The following ENAM variants were observed in gnomAD, a reference collection of about 807,000 sequenced individuals.
ENAM encodes enamelin, also known as amelogenesis imperfecta 2, hypocalcification (autosomal dominant).
A neutral mutation model predicts 33.6 loss-of-function variants in ENAM; 21 were observed. The ratio of observed to expected loss-of-function variants is 0.63; its 90% CI spans 0.44 to 0.90. The LOEUF (loss-of-function observed/expected upper bound fraction) is 0.90, where lower values mean the gene tolerates loss of function less well. Among genes scored for constraint, ENAM ranks in the 40% least tolerant of loss-of-function variants. The probability of loss-of-function intolerance (pLI) is 0.00; values close to 1 mark genes in which losing one functional copy is unlikely to be tolerated. For missense variants in ENAM, 1,388 were observed against 1,366.9 expected, an observed-to-expected ratio of 1.02 and a Z score of -0.24; for synonymous variants, 473 against 468.4, an observed-to-expected ratio of 1.01 and a Z score of -0.13.
intron 6 of ENAM, among the ~76,000 whole-genome samples, chr4:70,634,920 T>A (rs1024939264): frequency 1.3e-5 from 2 of 152,222 alleles, no homozygotes; most frequent in African/African-American, 4.8e-5. Flanking sequence ...AGTTTCCCCA[T>A]GAGTAAACTA....
rs1738750775 is a variant in ENAM at position 70,645,983 on chromosome 4, GC to G, written c.*1130del. On this transcript the variant is annotated 3_prime_UTR_variant, in exon 9 of 9. Coordinates refer to ENST00000396073, the MANE Select transcript of ENAM (RefSeq NM_031889.3). ...AAAAGACTAGGACTTGCCACACACTGCCAATTCATAATCCGCAGGATCTGTA... is the reference window on the plus strand; with the variant it reads ...AAAAGACTAGGACTTGCCACACACTGCAATTCATAATCCGCAGGATCTGTA... 2 of 151,714 alleles carry G rather than the reference GC, an allele frequency of 1.3e-5. No individual in the cohort carries two copies. Among genetic ancestry groups the G allele is most frequent in the African/African-American group, 4.8e-5 (2 of 41,312 alleles). 9.4% of individuals were successfully genotyped at this position (151,714 alleles called of 1,614,324 possible). A position where few individuals can be genotyped will look rare whatever the true frequency, so the allele number is the denominator to read the frequency against.
Position 70,635,836 on chromosome 4 carries a change from T to C in ENAM, c.476T>C (p.Phe159Ser), listed in dbSNP as rs778836927. ...PEEEAQPPQA[F>S]PPFGNGLFPY... The stretch of plus-strand genomic sequence containing the variant: ...TGATTCTTTCTTTCTCTCTAGGCAT[T>C]CCCACCATTTGGAAATGGGCTATTC... The change falls in exon 7 of 9, where the codon TTC becomes TCC. Residue 159 changes from phenylalanine to serine, a missense_variant. By Grantham distance (155) the Phe-to-Ser change is radical. Coordinates refer to ENST00000396073, the MANE Select transcript of ENAM (RefSeq NM_031889.3). The C allele has an allele frequency of 5.6e-6, 9 of 1,598,332 alleles. No homozygotes were observed. The highest frequency in any genetic ancestry group is 7.7e-6 in the Non-Finnish European group (9 of 1,166,278).
intron 2 of ENAM, 69 bp downstream of exon 2, chr4:70,629,623 T>C: frequency 8.8e-7 from 1 of 1,131,760 alleles, no homozygotes; most frequent in Non-Finnish European, 1.4e-6. Flanking sequence ...GAAATACACT[T>C]GAGAGGGCCA....
rs1407719203 is a variant in ENAM at position 70,629,425 on chromosome 4, C to G, written c.-60-16C>G. The G allele has an allele frequency of 9.9e-7, 1 of 1,008,314 alleles. No homozygotes were observed. Among genetic ancestry groups the G allele is most frequent in the Admixed American group, 1.7e-5 (1 of 58,658 alleles). The allele number at this position is 1,008,314 out of a possible 1,614,324, so 62.5% of individuals were successfully genotyped here. On this transcript the variant is annotated splice_polypyrimidine_tract_variant and intron_variant, in intron 1 of 8. Transcript: ENST00000396073. ...TGCTATTCATTTCATTTATTTGTTC[C>G]ATTTCTATATTTTAGTTTCTTCTCA...
Position 70,631,851 on chromosome 4 carries a change from G to C in ENAM, c.126G>C (p.Met42Ile), listed in dbSNP as rs953884638. 5 of 1,613,930 alleles carry C rather than the reference G, an allele frequency of 3.1e-6. No homozygotes were observed. In the African/African-American group the frequency reaches 6.7e-5, roughly 22 times the overall value. The change falls in exon 4 of 9, where the codon ATG becomes ATC. Residue 42 changes from methionine (M) to isoleucine (I), a missense_variant and splice_region_variant. Transcript: ENST00000396073. ...CACTGACATTCTCTTACTTCCAGAT[G>C]CACATGCCCCGAATGCCTGGATTTA... ...GLLGNSVAMPMHMPRMPGFSS... is the reference protein window; with the variant it reads ...GLLGNSVAMPIHMPRMPGFSS...
rs1393863730 is a variant in ENAM, at chr4:70,644,096, A to G, written c.2670A>G (p.Gln890=). ...CCAAGGACAATCCACTAGCTCTACA[A>G]GACTACACTCCATCCTATGGTCTTG... The part of the protein sequence containing the change: ...TGPKDNPLAL[Q]DYTPSYGLAP... Residue 890 remains glutamine (Q), a synonymous_variant, in exon 9 of 9, where the codon CAA becomes CAG. Coordinates refer to ENST00000396073, the MANE Select transcript of ENAM (RefSeq NM_031889.3). 1 of 1,614,090 alleles carries G rather than the reference A, an allele frequency of 6.2e-7. No homozygotes were observed. The highest frequency in any genetic ancestry group is 8.5e-7 in the Non-Finnish European group (1 of 1,179,990).
At chr4:70,636,708 G>T (rs1274004590) in intron 7 of ENAM, among the ~76,000 whole-genome samples, 3 of 151,928 alleles carry the variant, frequency 2.0e-5, no homozygotes, top group African/African-American at 7.3e-5. Flanking sequence ...AGCAGAGGTT[G>T]CAGTGAGCCG....
rs1484010943 is a variant in ENAM at position 70,642,662 on chromosome 4, T to C, written c.1236T>C (p.Pro412=). Residue 412 remains proline (P), a synonymous_variant, in exon 9 of 9, where the codon CCT becomes CCC. Coordinates refer to ENST00000396073, the MANE Select transcript of ENAM (RefSeq NM_031889.3). ...RRKPQGPNKH[P]VGTTVAPLGP... is the part of the protein sequence containing the mutation. ...AGCCTCAGGGGCCAAATAAACACCC[T>C]GTAGGAACTACTGTTGCCCCACTGG... 2 of 1,613,040 alleles carry C rather than the reference T, an allele frequency of 1.2e-6. No individual in the cohort carries two copies. The highest frequency in any genetic ancestry group is 1.7e-6 in the Non-Finnish European group (2 of 1,179,684).
At chr4:70,640,023 A>G (rs1738558790) in intron 8 of ENAM, among the ~76,000 whole-genome samples, 1 of 152,220 alleles carries the variant, frequency 6.6e-6, no homozygotes, top group Non-Finnish European at 1.5e-5. Flanking sequence ...TTTATATTGC[A>G]TTTGTTTTAA....
Position 70,634,502 on chromosome 4 carries a change from A to G in ENAM, c.405A>G (p.Gln135=). 1 of 1,614,124 alleles carries G rather than the reference A, an allele frequency of 6.2e-7. No homozygotes were observed. Among genetic ancestry groups the G allele is most frequent in the Non-Finnish European group, 8.5e-7 (1 of 1,179,982 alleles). ...PNQTQSKKPP[Q]KRPLKQPSHN... The stretch of plus-strand genomic sequence containing the variant: ...AGACTCAGTCAAAAAAGCCACCACA[A>G]AAGCGGCCTTTGAAGCAGCCATCAC... Residue 135 remains glutamine (Q), a synonymous_variant, in exon 6 of 9, where the codon CAA becomes CAG. Transcript: ENST00000396073.
rs1245612664 is a variant in ENAM, at chr4:70,643,463, A to G, written c.2037A>G (p.Gly679=). 4 of 1,614,196 alleles carry G rather than the reference A, an allele frequency of 2.5e-6. No homozygotes were observed. The Admixed American group carries it at 6.7e-5, about 27-fold the overall frequency. The change falls in exon 9 of 9, where the codon GGA becomes GGG. Residue 679 remains glycine, a synonymous_variant. Coordinates refer to ENST00000396073, the MANE Select transcript of ENAM (RefSeq NM_031889.3). The part of the protein sequence containing the change: ...NRWGEELSFK[G]GPTVRHYEGE... ...GGGGTGAAGAGTTGAGCTTCAAAGG[A>G]GGCCCAACAGTTAGGCACTATGAAG...
At chr4:70,640,440 G>A (rs944411497) in intron 8 of ENAM, among the ~76,000 whole-genome samples, 3 of 152,138 alleles carry the variant, frequency 2.0e-5, no homozygotes, top group Non-Finnish European at 4.4e-5. Context: ...CGTGTGCAAA[G>A]GCACTGAAAC....
At position 70,644,125 on chromosome 4, in the gene ENAM, CT is replaced by C. The variant is rs749517567; in HGVS notation, c.2700del (p.Glu902ArgfsTer51). The C allele has an allele frequency of 6.2e-7, 1 of 1,614,126 alleles. No homozygotes were observed. The highest frequency in any genetic ancestry group is 1.7e-5 in the Admixed American group (1 of 60,012). On this transcript the variant is annotated frameshift_variant, in exon 9 of 9. Coordinates refer to ENST00000396073, the MANE Select transcript of ENAM (RefSeq NM_031889.3). LOFTEE classifies it low-confidence loss of function (END_TRUNC). ...TACACTCCATCCTATGGTCTTGCAC[CT>C]GGGGAGAACCAAGACACCAGTCCTC... ...QDYTPSYGLA[P>X]GENQDTSPLY... is the part of the protein sequence containing the mutation.
At chr4:70,641,349 TTTTCTTTC>T (rs1451588654) in intron 8 of ENAM, among the ~76,000 whole-genome samples, 1 of 151,808 alleles carries the variant, frequency 6.6e-6, no homozygotes, top group Admixed American at 6.6e-5. Flanking sequence ...TAGAATTCTT[TTTTCTTTC>T]TTTCTTTCTT....
At position 70,644,532 on chromosome 4, in the gene ENAM, C is replaced by A. The variant is rs774117576; in HGVS notation, c.3106C>A (p.Gln1036Lys). ...CTCCAATCCAGAAGGCATCCAAAGTCAAGTCCAAGAAAATGAGAGTGAGAG... is the reference window on the plus strand; with the variant it reads ...CTCCAATCCAGAAGGCATCCAAAGTAAAGTCCAAGAAAATGAGAGTGAGAG... ...EGSNPEGIQS[Q>K]VQENESERQQ... The change falls in exon 9 of 9, where the codon CAA (glutamine) becomes AAA (lysine). Residue 1036 changes from glutamine to lysine, a missense_variant. Gln to Lys is a moderately conservative substitution (Grantham distance 53). Coordinates refer to ENST00000396073, the MANE Select transcript of ENAM (RefSeq NM_031889.3). 1 of 1,614,004 alleles carries A rather than the reference C, an allele frequency of 6.2e-7. No individual in the cohort carries two copies.
intron 3 of ENAM, 21 bp from the exon 4 acceptor site, chr4:70,631,828 C>G (rs1250101689): frequency 6.2e-7 from 1 of 1,613,694 alleles, no homozygotes; most frequent in Admixed American, 1.7e-5. Context: ...GCATTTGTCA[C>G]TGACATTCTC....
At chr4:70,639,609 A>T (rs1480662755) in intron 8 of ENAM, among the ~76,000 whole-genome samples, 1 of 150,768 alleles carries the variant, frequency 6.6e-6, no homozygotes, top group Non-Finnish European at 1.5e-5. Context: ...AAAAGGAAAG[A>T]AATCTGAATT....
At position 70,645,006 on chromosome 4, in the gene ENAM, C is replaced by G. The variant is rs1738721190; in HGVS notation, c.*151C>G. 3 of 690,288 alleles carry G rather than the reference C, an allele frequency of 4.3e-6. 1 individual carries two copies. In the South Asian group the frequency reaches 5.0e-5, roughly 12 times the overall value. The allele number at this position is 690,288 out of a possible 1,614,324, so 42.8% of individuals were successfully genotyped here. On this transcript the variant is annotated 3_prime_UTR_variant, in exon 9 of 9. Coordinates refer to ENST00000396073, the MANE Select transcript of ENAM (RefSeq NM_031889.3). ...CCCCTCTCAGCAATAGGAGTAGCGA[C>G]CCAGGTGGAGCTGAGATTAGGCCTC...
At chr4:70,633,046 A>G (rs148434912) in intron 5 of ENAM, among the ~76,000 whole-genome samples, 3 of 152,238 alleles carry the variant, frequency 2.0e-5, no homozygotes, top group African/African-American at 7.2e-5. Context: ...GTGGGGGGTA[A>G]GTTTTACTTG....
Sources: allele counts gnomAD v4.1 joint callset (sites outside exome capture counted in the v4.1 genomes callset), GRCh38; gene constraint gnomAD v4.1.1; transcripts MANE v1.5; gene names NCBI Gene and HGNC (gene_info 2026-07-23, HGNC 2026-07-21).